Variants in PTPRD observed in about 807,000 individuals in gnomAD.
PTPRD encodes the protein protein tyrosine phosphatase receptor type D, also known as receptor-type tyrosine-protein phosphatase delta.
In PTPRD, 34 loss-of-function variants were observed where a neutral mutation model predicts 214.5. That is an observed-to-expected ratio of 0.16 (90% confidence interval 0.12 to 0.21). PTPRD has a LOEUF of 0.21. Ranked by LOEUF, PTPRD falls within the 10% of genes least tolerant of loss-of-function variation. The pLI, the probability that PTPRD is intolerant of heterozygous loss-of-function variation, is 1.00. For synonymous variants in PTPRD, 1,128 were observed against 845.7 expected (o/e 1.33, Z -5.79); for missense variants, 2,545 against 2,398.7 (o/e 1.06, Z -1.27).
chr9:8,679,145 T>C (rs974427047), intron 12 of PTPRD, among the ~76,000 whole-genome samples: 19 of 152,200 alleles, frequency 1.2e-4, no homozygotes, highest in Admixed American at 1.0e-3. Flanking sequence ...GGATTCCATC[T>C]TTAGAGGCAG....
intron 11 of PTPRD, among the ~76,000 whole-genome samples, chr9:8,986,517 A>C (rs1217775178): frequency 6.6e-6 from 1 of 150,842 alleles, no homozygotes; most frequent in East Asian, 1.9e-4. Flanking sequence ...TTTACTTTTC[A>C]TTCAACAGTT....
intron 8 of PTPRD, among the ~76,000 whole-genome samples, chr9:9,535,513 T>G (rs1197116227): frequency 6.6e-6 from 1 of 152,114 alleles, no homozygotes; most frequent in African/African-American, 2.4e-5. Flanking sequence ...ACCAAAACTC[T>G]ATCCCAGAGG....
chr9:8,514,928 G>A (rs1197609109), intron 21 of PTPRD, among the ~76,000 whole-genome samples: 1 of 152,064 alleles, frequency 6.6e-6, no homozygotes, highest in Non-Finnish European at 1.5e-5. Flanking sequence ...GGTTTTATAA[G>A]GGGCTCTTCC....
intron 11 of PTPRD, among the ~76,000 whole-genome samples, chr9:8,996,237 G>A (rs2099396136): frequency 6.6e-6 from 1 of 152,008 alleles, no homozygotes. Flanking sequence ...ACTGGTGAAT[G>A]GATAAGTGAA....
chr9:9,264,457 G>A (rs996935780), intron 9 of PTPRD, among the ~76,000 whole-genome samples: 1 of 151,500 alleles, frequency 6.6e-6, no homozygotes, highest in Non-Finnish European at 1.5e-5. Flanking sequence ...GAAATCACTG[G>A]TCATTTGAAA....
intron 35 of PTPRD, among the ~76,000 whole-genome samples, chr9:8,430,641 A>G (rs1353220600): frequency 6.6e-6 from 1 of 152,112 alleles, no homozygotes. Context: ...CTGAATCAGT[A>G]GCAGTGGGGT....
intron 9 of PTPRD, among the ~76,000 whole-genome samples, chr9:9,357,474 G>C (rs1275440764): frequency 6.6e-6 from 1 of 151,184 alleles, no homozygotes; most frequent in Non-Finnish European, 1.5e-5. Context: ...AGCTTGGTGA[G>C]AACTTTGAAT....
At chr9:8,424,982 A>C (rs568025414) in intron 35 of PTPRD, among the ~76,000 whole-genome samples, 4 of 152,172 alleles carry the variant, frequency 2.6e-5, no homozygotes, top group Non-Finnish European at 5.9e-5. Context: ...AAATTCATGT[A>C]ATCTCTTAAT....
intron 8 of PTPRD, among the ~76,000 whole-genome samples, chr9:9,506,408 CTTGG>C (rs2096571888): frequency 6.6e-6 from 1 of 151,376 alleles, no homozygotes; most frequent in Non-Finnish European, 1.5e-5. Context: ...TATCTTACTT[CTTGG>C]AGATTAGTTC....
intron 2 of PTPRD, among the ~76,000 whole-genome samples, chr9:10,440,869 T>C (rs1293561822): frequency 6.6e-6 from 1 of 151,750 alleles, no homozygotes; most frequent in African/African-American, 2.4e-5. Flanking sequence ...TACTAATTTA[T>C]AAGTAGAAAG....
chr9:10,594,858 C>T (rs900451889), intron 2 of PTPRD, among the ~76,000 whole-genome samples: 2 of 151,900 alleles, frequency 1.3e-5, no homozygotes, highest in Admixed American at 6.6e-5. Flanking sequence ...GTCACAATAC[C>T]ATATTAAATG....
intron 9 of PTPRD, among the ~76,000 whole-genome samples, chr9:9,232,261 G>A (rs1298895287): frequency 2.0e-5 from 3 of 152,164 alleles, no homozygotes; most frequent in Non-Finnish European, 4.4e-5. Flanking sequence ...GGATCAGCTT[G>A]TGGAAAATCA....
At chr9:10,569,635 A>G (rs746815868) in intron 2 of PTPRD, among the ~76,000 whole-genome samples, 8 of 151,974 alleles carry the variant, frequency 5.3e-5, no homozygotes, top group Non-Finnish European at 7.4e-5. Context: ...TTTCATAGCT[A>G]TGTAATTCAT....
At chr9:8,698,193 T>C (rs1439940028) in intron 12 of PTPRD, among the ~76,000 whole-genome samples, 2 of 152,248 alleles carry the variant, frequency 1.3e-5, no homozygotes, top group African/African-American at 4.8e-5. Flanking sequence ...TGCAGAGTAC[T>C]AGCATACTGA....
chr9:8,956,704 A>T (rs1472137472), intron 11 of PTPRD, among the ~76,000 whole-genome samples: 1 of 151,838 alleles, frequency 6.6e-6, no homozygotes, highest in East Asian at 1.9e-4. Context: ...ACAGAAGCAG[A>T]ACATTTATTT....
At chr9:8,836,418 T>G (rs1566488440) in intron 11 of PTPRD, among the ~76,000 whole-genome samples, 1 of 151,930 alleles carries the variant, frequency 6.6e-6, no homozygotes, top group Non-Finnish European at 1.5e-5. Flanking sequence ...TGCCTAAAAA[T>G]AAAAAAGTTT....
chr9:10,104,739 A>G (rs956602205), intron 3 of PTPRD, among the ~76,000 whole-genome samples: 1 of 151,930 alleles, frequency 6.6e-6, no homozygotes, highest in African/African-American at 2.4e-5. Flanking sequence ...AAGTCAATAC[A>G]GTAAAATGGT....
chr9:8,584,430 T>C (rs992838076), intron 14 of PTPRD, among the ~76,000 whole-genome samples: 1 of 151,178 alleles, frequency 6.6e-6, no homozygotes, highest in African/African-American at 2.4e-5. Flanking sequence ...ATATTGGTAT[T>C]GGTACTAACT....
intron 8 of PTPRD, among the ~76,000 whole-genome samples, chr9:9,540,775 A>G (rs115644122): frequency 0.013 from 1,994 of 151,888 alleles, 48 homozygotes; most frequent in African/African-American, 0.045. Context: ...AGTAAATGAA[A>G]TCATCTACTT....
Sources: allele counts gnomAD v4.1 joint callset (sites outside exome capture counted in the v4.1 genomes callset), GRCh38; gene constraint gnomAD v4.1.1; transcripts MANE v1.5; gene names NCBI Gene and HGNC (gene_info 2026-07-23, HGNC 2026-07-21).